POLK: variants seen among roughly 807,000 people sequenced by gnomAD.
The protein encoded by POLK is DNA polymerase kappa.
In POLK, 76 loss-of-function variants were observed where a neutral mutation model predicts 94.0. The observed-to-expected ratio is 0.81, with a 90% CI of 0.67 to 0.98. POLK has a LOEUF of 0.98. Ranked by LOEUF, POLK falls within the 50% of genes least tolerant of loss-of-function variation. The pLI, the probability that POLK is intolerant of heterozygous loss-of-function variation, is 0.00. For synonymous variants in POLK, 349 were observed against 325.4 expected (o/e 1.07, Z -0.78); for missense variants, 954 against 1,010.1 (o/e 0.94, Z 0.75).
intron 11 of POLK, among the ~76,000 whole-genome samples, chr5:75,591,662 A>G (rs1772793716): frequency 6.6e-6 from 1 of 152,150 alleles, no homozygotes; most frequent in African/African-American, 2.4e-5. Context: ...AGGGGACTAC[A>G]TTGCATTTAG....
rs116890691 is a variant in POLK, at chr5:75,543,221, A to G, written c.-13-3789A>G. Among the ~76,000 whole-genome samples, 72 of 146,166 alleles carry G rather than the reference A, an allele frequency of 4.9e-4. No individual in the cohort carries two copies. In the East Asian group the frequency reaches 8.7e-3, roughly 18 times the overall value. The stretch of plus-strand genomic sequence containing the variant: ...CCACACCCAGCTAATTTTGTATTTT[A>G]AGTAGAGAGGGTTTCACCATTTTGG... On this transcript the variant is annotated intron_variant, in intron 1 of 14. Transcript: ENST00000241436.
exon 15 of POLK, chr5:75,599,209 G>C (rs778467340): frequency 6.6e-6 from 1 of 152,070 alleles, no homozygotes; most frequent in Non-Finnish European, 1.5e-5. Flanking sequence ...CCAAGATCTT[G>C]CCACTGTACT....
chr5:75,547,643 T>C (rs1320009525), intron 2 of POLK, among the ~76,000 whole-genome samples: 1 of 152,250 alleles, frequency 6.6e-6, no homozygotes, highest in Non-Finnish European at 1.5e-5. Context: ...ATTTTATAAC[T>C]TTCTATATGT....
At chr5:75,512,657 C>G (rs1768107914) in intron 1 of POLK, 1 of 152,198 alleles carries the variant, frequency 6.6e-6, no homozygotes, top group East Asian at 1.9e-4. Context: ...TGTCAGTTGT[C>G]AAGGATAACT....
chr5:75,581,121 T>C, intron 6 of POLK, 88 bp from the exon 7 acceptor site: 1 of 908,108 alleles, frequency 1.1e-6, no homozygotes, highest in Non-Finnish European at 1.7e-6. Context: ...TTTTTGTTTT[T>C]GTCTTCAGAA....
chr5:75,556,626 T>C (rs1043718181), intron 3 of POLK, among the ~76,000 whole-genome samples: 2 of 152,166 alleles, frequency 1.3e-5, no homozygotes, highest in Non-Finnish European at 2.9e-5. Context: ...TGTTATCTTC[T>C]AGGAATTTTA....
chr5:75,523,539 A>G (rs925718012), intron 1 of POLK, among the ~76,000 whole-genome samples: 2 of 152,236 alleles, frequency 1.3e-5, no homozygotes, highest in Non-Finnish European at 2.9e-5. Flanking sequence ...GCTTTCTGCA[A>G]ACAAAGACCT....
intron 3 of POLK, among the ~76,000 whole-genome samples, chr5:75,557,322 C>A (rs1770684966): frequency 6.6e-6 from 1 of 152,086 alleles, no homozygotes; most frequent in Non-Finnish European, 1.5e-5. Context: ...GATCTTTTGC[C>A]TCTCCATATA....
exon 4 of POLK, chr5:75,569,389 C>A: frequency 6.2e-7 from 1 of 1,613,166 alleles, no homozygotes; most frequent in African/African-American, 1.3e-5. Flanking sequence ...TTGAGCAATA[C>A]CATAGTGCAC....
intron 2 of POLK, among the ~76,000 whole-genome samples, chr5:75,548,444 T>C (rs1475831701): frequency 6.6e-6 from 1 of 150,666 alleles, no homozygotes; most frequent in East Asian, 1.9e-4. Flanking sequence ...TTTTTACCAC[T>C]TTTTTGTTTC....
chr5:75,584,719 A>AGATTAAT (rs1772373139), intron 8 of POLK, 41 bp from the exon 9 acceptor site: 1 of 1,173,636 alleles, frequency 8.5e-7, no homozygotes, highest in East Asian at 2.7e-5. Flanking sequence ...TTTTAGCTTC[A>AGATTAAT]CTTTAAAATC....
At chr5:75,531,712 A>C (rs968519778) in intron 1 of POLK, among the ~76,000 whole-genome samples, 2 of 152,070 alleles carry the variant, frequency 1.3e-5, no homozygotes, top group Non-Finnish European at 2.9e-5. Context: ...GAATAGCTTG[A>C]ACCTGGGAGG....
intron 1 of POLK, among the ~76,000 whole-genome samples, chr5:75,546,594 G>A (rs1770033505): frequency 6.6e-6 from 1 of 151,988 alleles, no homozygotes; most frequent in East Asian, 1.9e-4. Flanking sequence ...ATGCATAACG[G>A]ATGTACATGG....
chr5:75,594,383 C>G (rs1772960131), intron 12 of POLK, among the ~76,000 whole-genome samples: 1 of 152,216 alleles, frequency 6.6e-6, no homozygotes, highest in South Asian at 2.1e-4. Context: ...CGAAGTTCTT[C>G]CTTTGCTGCT....
At position 75,523,434 on chromosome 5, in the gene POLK, A is replaced by G. The variant is rs186753683; in HGVS notation, c.-14+11520A>G. ...GACCAAAGTAAAGTCAAGGGGATCA[A>G]TGACTAATATGCAGTAATATTTACC... On this transcript the variant is annotated intron_variant, in intron 1 of 14. Coordinates refer to ENST00000241436, the Ensembl canonical transcript of POLK. 2.0e-5 allele frequency among the ~76,000 whole-genome samples: 3 copies of G among 152,356 alleles called. No homozygotes were observed. In the East Asian group the frequency reaches 5.8e-4, roughly 29 times the overall value.
chr5:75,534,265 TAAA>T (rs540377049), intron 1 of POLK, among the ~76,000 whole-genome samples: 6 of 124,842 alleles, frequency 4.8e-5, no homozygotes, highest in Admixed American at 8.3e-5. Flanking sequence ...GACCCTGTCT[TAAA>T]AAAAAAAAAA....
chr5:75,526,770 C>T (rs1415544544), intron 1 of POLK, among the ~76,000 whole-genome samples: 1 of 151,802 alleles, frequency 6.6e-6, no homozygotes, highest in Non-Finnish European at 1.5e-5. Flanking sequence ...TTAGTAGAGA[C>T]GTATTTTGCC....
rs1581089947 is a variant in POLK at position 75,587,963 on chromosome 5, T to C, written c.1259+905T>C. On this transcript the variant is annotated intron_variant, in intron 10 of 14. Transcript: ENST00000241436. ...AACAAAACACTGACCTAGTACAAGA[T>C]TGTGTTCATATTTCACATATATTAT... Among the ~76,000 whole-genome samples, 12 of 152,186 alleles carry C rather than the reference T, an allele frequency of 7.9e-5. 2 individuals are homozygous for C. The South Asian group carries it at 2.5e-3, about 32-fold the overall frequency.
upstream of POLK, chr5:75,511,324 G>C (rs1767980067): frequency 6.5e-7 from 1 of 1,548,048 alleles, no homozygotes; most frequent in East Asian, 2.4e-5. Context: ...GCCCGCTCCG[G>C]TGTGGGGGGG....
Sources: allele counts gnomAD v4.1 joint callset (sites outside exome capture counted in the v4.1 genomes callset), GRCh38; gene constraint gnomAD v4.1.1; transcripts MANE v1.5; gene names NCBI Gene and HGNC (gene_info 2026-07-23, HGNC 2026-07-21).